The following RHBDD1 variants were observed in gnomAD, a reference collection of about 807,000 sequenced individuals.
RHBDD1 encodes rhomboid domain containing 1.
A neutral mutation model predicts 36.3 loss-of-function variants in RHBDD1; 38 were observed. The ratio of observed to expected loss-of-function variants is 1.05; its 90% confidence interval spans 0.81 to 1.37. The LOEUF (loss-of-function observed/expected upper bound fraction) is 1.37, where lower values mean the gene tolerates loss of function less well. Among genes scored for constraint, RHBDD1 ranks in the 40% most tolerant of loss-of-function variants. The probability of loss-of-function intolerance (pLI) is 0.00; values close to 1 mark genes in which losing one functional copy is unlikely to be tolerated. For synonymous variants in RHBDD1, 151 were observed against 136.5 expected (o/e 1.11, Z -0.74); for missense variants, 393 against 377.6 (o/e 1.04, Z -0.34).
At chr2:226,843,990 TG>T (rs1941948153) in intron 3 of RHBDD1, among the ~76,000 whole-genome samples, 1 of 152,194 alleles carries the variant, frequency 6.6e-6, no homozygotes, top group Admixed American at 6.5e-5. Context: ...AATTTCTTCC[TG>T]GTTCAGTCTT....
chr2:226,807,870 C>T, the RHBDD1 span, among the ~76,000 whole-genome samples: 2 of 152,094 alleles, frequency 1.3e-5, no homozygotes, highest in South Asian at 2.1e-4. Flanking sequence ...GAGGCCGAGG[C>T]GGGCATGGTG....
At chr2:226,904,369 G>A (rs58123759) in intron 5 of RHBDD1, among the ~76,000 whole-genome samples, 2,339 of 146,666 alleles carry the variant, frequency 0.016, 58 homozygotes, top group African/African-American at 0.056. Context: ...AAGCATGCAC[G>A]GTCACCAAAC....
At chr2:226,828,818 T>C in the RHBDD1 span, among the ~76,000 whole-genome samples, 1 of 152,200 alleles carries the variant, frequency 6.6e-6, no homozygotes, top group Non-Finnish European at 1.5e-5. Flanking sequence ...TTAGATACAA[T>C]ATTTGCAAAT....
intron 8 of RHBDD1, among the ~76,000 whole-genome samples, chr2:226,994,540 G>A (rs532116033): frequency 1.3e-5 from 2 of 152,318 alleles, no homozygotes; most frequent in Admixed American, 6.5e-5. Context: ...ACCAAGGTTA[G>A]CAGAGCTATA....
intron 8 of RHBDD1, among the ~76,000 whole-genome samples, chr2:226,987,620 G>T (rs562948952): frequency 6.8e-4 from 103 of 152,336 alleles, no homozygotes; most frequent in African/African-American, 2.3e-3. Context: ...ACCTCTGTGT[G>T]GGAGTCAGAG....
At chr2:226,870,109 A>G (rs141047710) in intron 5 of RHBDD1, among the ~76,000 whole-genome samples, 1 of 152,344 alleles carries the variant, frequency 6.6e-6, no homozygotes, top group Non-Finnish European at 1.5e-5. Flanking sequence ...CGACTATACT[A>G]GAGGAGAGCG....
At chr2:226,931,776 C>T (rs1411903329) in intron 8 of RHBDD1, among the ~76,000 whole-genome samples, 4 of 151,912 alleles carry the variant, frequency 2.6e-5, no homozygotes, top group Non-Finnish European at 5.9e-5. Context: ...AATCAGATAG[C>T]ATGGATCCTC....
At chr2:226,968,180 G>C (rs983614126) in intron 8 of RHBDD1, among the ~76,000 whole-genome samples, 1 of 152,168 alleles carries the variant, frequency 6.6e-6, no homozygotes, top group Non-Finnish European at 1.5e-5. Context: ...TGATATAAGA[G>C]TTGTATAAAC....
At chr2:226,807,274 GT>G in the RHBDD1 span, among the ~76,000 whole-genome samples, 1 of 152,090 alleles carries the variant, frequency 6.6e-6, no homozygotes, top group Admixed American at 6.5e-5. Context: ...ATATATTCTT[GT>G]AAATTTGTAT....
At chr2:226,943,459 T>C (rs1427234720) in intron 8 of RHBDD1, among the ~76,000 whole-genome samples, 1 of 152,210 alleles carries the variant, frequency 6.6e-6, no homozygotes, top group African/African-American at 2.4e-5. Flanking sequence ...CCAGTAGTTT[T>C]TGATTTTCAA....
rs562406988 is a variant in RHBDD1, at chr2:226,870,165, G to A, written c.566+2847G>A. On this transcript the variant is annotated intron_variant, in intron 5 of 8. Coordinates refer to ENST00000392062, the MANE Select transcript of RHBDD1 (RefSeq NM_001167608.3). The stretch of plus-strand genomic sequence containing the variant: ...GCTCACATACTGGCCGTGGGACCTC[G>A]GGCAAGGTACACAGCCTCTCTGAGC... Among the ~76,000 whole-genome samples, 13 of 152,272 alleles carry A rather than the reference G, an allele frequency of 8.5e-5. No individual in the cohort carries two copies. In the East Asian group the frequency reaches 2.3e-3, roughly 27 times the overall value.
Position 226,870,400 on chromosome 2 carries a change from A to G in RHBDD1, c.566+3082A>G, listed in dbSNP as rs552667088. Among the ~76,000 whole-genome samples the G allele has an allele frequency of 2.8e-4, 43 of 152,258 alleles. No homozygotes were observed. In the East Asian group the frequency reaches 7.7e-3, roughly 27 times the overall value. ...TTCTAAAATTAATAAATCAGCTGTT[A>G]TTTAATTTTGTTTGTTTGACTTCCA... On this transcript the variant is annotated intron_variant, in intron 5 of 8. Transcript: ENST00000392062.
chr2:226,880,996 A>T (rs765901127), intron 5 of RHBDD1, among the ~76,000 whole-genome samples: 3 of 152,200 alleles, frequency 2.0e-5, no homozygotes, highest in Non-Finnish European at 4.4e-5. Flanking sequence ...TGGGTAGTTT[A>T]TAAAGGAAAG....
the RHBDD1 span, among the ~76,000 whole-genome samples, chr2:226,817,020 T>C: frequency 6.6e-6 from 1 of 152,238 alleles, no homozygotes; most frequent in Admixed American, 6.5e-5. Flanking sequence ...TAAGAAAATG[T>C]ATAGTTCTTG....
intron 3 of RHBDD1, among the ~76,000 whole-genome samples, chr2:226,855,594 G>A (rs919011919): frequency 6.6e-6 from 1 of 152,232 alleles, no homozygotes; most frequent in Non-Finnish European, 1.5e-5. Context: ...GTTGTGTCAA[G>A]CTGGGTGAGA....
chr2:226,921,093 G>T (rs1949274526), intron 8 of RHBDD1, among the ~76,000 whole-genome samples: 1 of 152,080 alleles, frequency 6.6e-6, no homozygotes, highest in Non-Finnish European at 1.5e-5. Flanking sequence ...TTGGTAAATT[G>T]TGTGTGTCTA....
At chr2:226,850,333 G>A (rs1421989650) in intron 3 of RHBDD1, among the ~76,000 whole-genome samples, 1 of 152,154 alleles carries the variant, frequency 6.6e-6, no homozygotes, top group African/African-American at 2.4e-5. Flanking sequence ...AGAAAATAAG[G>A]TTAAATACTC....
intron 3 of RHBDD1, among the ~76,000 whole-genome samples, chr2:226,860,556 G>A (rs1351650920): frequency 2.6e-5 from 4 of 152,136 alleles, no homozygotes; most frequent in Non-Finnish European, 2.9e-5. Flanking sequence ...CACAGCGTCA[G>A]GTTACAGATT....
At chr2:226,803,333 T>TGTGA in the RHBDD1 span, among the ~76,000 whole-genome samples, 36 of 147,762 alleles carry the variant, frequency 2.4e-4, no homozygotes, top group Middle Eastern at 3.5e-3. Flanking sequence ...TGTGTGTGTG[T>TGTGA]GAGAGAGAGA....
Sources: allele counts gnomAD v4.1 joint callset (sites outside exome capture counted in the v4.1 genomes callset), GRCh38; gene constraint gnomAD v4.1.1; transcripts MANE v1.5; gene names NCBI Gene and HGNC (gene_info 2026-07-23, HGNC 2026-07-21).